REDIC1: variants seen among roughly 807,000 people sequenced by gnomAD.
REDIC1 encodes regulator of DNA class I crossover intermediates 1, also known as HEI10 Interacting Protein 1.
chr12:39,629,979 C>G, the REDIC1 span, among the ~76,000 whole-genome samples: 2 of 151,764 alleles, frequency 1.3e-5, no homozygotes, highest in Non-Finnish European at 2.9e-5. Flanking sequence ...TCAGTCCCAC[C>G]AGTTAAAAAT....
the REDIC1 span, among the ~76,000 whole-genome samples, chr12:39,781,987 G>A: frequency 6.6e-6 from 1 of 152,146 alleles, no homozygotes; most frequent in Non-Finnish European, 1.5e-5. Flanking sequence ...TGTGAATACA[G>A]GAACTGAAAA....
At chr12:39,751,172 G>T in the REDIC1 span, among the ~76,000 whole-genome samples, 1 of 152,050 alleles carries the variant, frequency 6.6e-6, no homozygotes, top group South Asian at 2.1e-4. Flanking sequence ...ATCTGACAAA[G>T]GGCTAATATC....
the REDIC1 span, chr12:39,647,732 T>C: frequency 4.1e-6 from 5 of 1,209,024 alleles, no homozygotes; most frequent in Non-Finnish European, 5.5e-6. Context: ...TATTTTGACT[T>C]TCCTCTTCTC....
At chr12:39,709,438 A>G in the REDIC1 span, among the ~76,000 whole-genome samples, 1 of 151,792 alleles carries the variant, frequency 6.6e-6, no homozygotes, top group Non-Finnish European at 1.5e-5. Context: ...ATTGTCAACC[A>G]CATGCACATT....
chr12:39,637,787 G>A, the REDIC1 span, among the ~76,000 whole-genome samples: 28 of 152,140 alleles, frequency 1.8e-4, no homozygotes, highest in South Asian at 8.3e-4. Context: ...CATATATAAA[G>A]TTCTGGTTAG....
At chr12:39,631,776 A>G in the REDIC1 span, among the ~76,000 whole-genome samples, 3 of 152,270 alleles carry the variant, frequency 2.0e-5, no homozygotes, top group South Asian at 6.2e-4. Context: ...TAAAAGTTCA[A>G]CAGTTTTAAA....
At chr12:39,823,608 G>A in the REDIC1 span, among the ~76,000 whole-genome samples, 1 of 143,646 alleles carries the variant, frequency 7.0e-6, no homozygotes, top group South Asian at 2.2e-4. Context: ...CTTTAGCCAG[G>A]ATGATGATGA....
chr12:39,838,367 G>A, the REDIC1 span, among the ~76,000 whole-genome samples: 1 of 141,624 alleles, frequency 7.1e-6, no homozygotes, highest in African/African-American at 2.6e-5. Context: ...GGGAGGGATA[G>A]CATTGGGAGA....
the REDIC1 span, among the ~76,000 whole-genome samples, chr12:39,713,748 T>C: frequency 5.3e-5 from 8 of 149,570 alleles, no homozygotes; most frequent in East Asian, 2.0e-4. Flanking sequence ...TATGTATATA[T>C]ACATGTATAC....
chr12:39,850,675 A>G, the REDIC1 span, among the ~76,000 whole-genome samples: 8 of 152,236 alleles, frequency 5.3e-5, no homozygotes, highest in Non-Finnish European at 7.3e-5. Flanking sequence ...CACAACACAT[A>G]ATTGTAAAAC....
the REDIC1 span, chr12:39,721,008 T>G: frequency 6.2e-7 from 1 of 1,613,752 alleles, no homozygotes; most frequent in East Asian, 2.2e-5. Context: ...TGCAGTGCAA[T>G]TCAGCCCACA....
the REDIC1 span, among the ~76,000 whole-genome samples, chr12:39,848,479 T>C: frequency 1.3e-5 from 2 of 152,022 alleles, no homozygotes; most frequent in Non-Finnish European, 2.9e-5. Context: ...TGAGAAACCA[T>C]CTCACACCAG....
chr12:39,712,135 C>T, the REDIC1 span, among the ~76,000 whole-genome samples: 7,221 of 41,112 alleles, frequency 0.18, 306 homozygotes, highest in Non-Finnish European at 0.26. Flanking sequence ...CCTGTATGTA[C>T]ATATACATAC....
At chr12:39,757,928 A>G in the REDIC1 span, 1 of 152,270 alleles carries the variant, frequency 6.6e-6, no homozygotes, top group Non-Finnish European at 1.5e-5. Context: ...AAATTTTTAG[A>G]GAGCACTTTA....
the REDIC1 span, among the ~76,000 whole-genome samples, chr12:39,702,776 C>G: frequency 6.6e-6 from 1 of 152,154 alleles, no homozygotes; most frequent in African/African-American, 2.4e-5. Flanking sequence ...AAGGCTGGTT[C>G]AATATACGCA....
At chr12:39,729,071 A>G in the REDIC1 span, among the ~76,000 whole-genome samples, 1 of 151,814 alleles carries the variant, frequency 6.6e-6, no homozygotes, top group Admixed American at 6.6e-5. Context: ...TAGTCTGGCT[A>G]GTGGTCTATC....
chr12:39,644,482 C>T, the REDIC1 span, among the ~76,000 whole-genome samples: 4 of 151,780 alleles, frequency 2.6e-5, no homozygotes, highest in East Asian at 7.7e-4. Context: ...TTTAGAGGAA[C>T]TTGTGTCTGA....
chr12:39,830,477 G>C, the REDIC1 span: 43 of 1,202,906 alleles, frequency 3.6e-5, no homozygotes, highest in Non-Finnish European at 4.3e-5. Context: ...TTGGATCTGA[G>C]AGACTGAATG....
the REDIC1 span, chr12:39,819,665 T>G: frequency 6.6e-6 from 1 of 152,236 alleles, no homozygotes; most frequent in African/African-American, 2.4e-5. Flanking sequence ...AATTTTGAAG[T>G]ATGCGTGTGT....
Sources: gnomAD v4.1 joint callset for allele counts (sites outside exome capture counted in the v4.1 genomes callset) on GRCh38, gnomAD v4.1.1 for gene constraint, MANE v1.5 for transcripts, NCBI Gene and HGNC (gene_info 2026-07-23, HGNC 2026-07-21) for gene names.